The following SLC9A7 variants were observed in gnomAD, a reference collection of about 807,000 sequenced individuals.
SLC9A7 encodes the protein solute carrier family 9 member A7, also known as sodium/hydrogen exchanger 7.
A neutral mutation model predicts 52.6 loss-of-function variants in SLC9A7; 19 were observed. That is an observed-to-expected ratio of 0.36 (90% CI 0.25 to 0.53). The LOEUF (loss-of-function observed/expected upper bound fraction) is 0.53. SLC9A7 is among the 20% of genes least tolerant of loss of function. The pLI is 0.91. For missense variants in SLC9A7, 455 were observed against 597.9 expected (o/e 0.76, Z 2.49); for synonymous variants, 226 against 252.1 (o/e 0.90, Z 0.98).
At position 46,607,102 on chromosome X, in the gene SLC9A7, TGAG is replaced by T. The variant is rs1483480327; in HGVS notation, c.2028_2030del (p.Ser679del). ...GACTCGTGGAGGCGGTGTGCGAACT[TGAG>T]GAGCCATTTGCAGTCACTGTGCTGT... On this transcript the variant is annotated inframe_deletion, in exon 17 of 17. Coordinates refer to ENST00000616978, the MANE Select transcript of SLC9A7 (RefSeq NM_001257291.2). 8.3e-6 allele frequency: 10 copies of T among 1,209,385 alleles called. No individual in the cohort carries two copies. Among genetic ancestry groups the T allele is most frequent in the South Asian group, 7.1e-5 (4 of 56,710 alleles).
chrX:46,695,507 C>A (rs1267869849), intron 1 of SLC9A7, among the ~76,000 whole-genome samples: 1 of 112,244 alleles, frequency 8.9e-6, no homozygotes, highest in Non-Finnish European at 1.9e-5. Context: ...GGTGGTATAT[C>A]TAAATGCAAC....
intron 13 of SLC9A7, among the ~76,000 whole-genome samples, chrX:46,632,574 A>T (rs765413287): frequency 9.0e-6 from 1 of 110,751 alleles, no homozygotes; most frequent in Non-Finnish European, 1.9e-5. Context: ...GCCTGTCTTC[A>T]GCAAGAATCC....
intron 11 of SLC9A7, among the ~76,000 whole-genome samples, chrX:46,648,053 T>C (rs1239327737): frequency 1.8e-5 from 2 of 112,601 alleles, no homozygotes; most frequent in East Asian, 2.8e-4. Flanking sequence ...GCTTTCTTTA[T>C]TGTCCTTTGT....
At chrX:46,661,354 C>A (rs1943818663) in intron 7 of SLC9A7, among the ~76,000 whole-genome samples, 1 of 108,253 alleles carries the variant, frequency 9.2e-6, no homozygotes, top group Non-Finnish European at 1.9e-5. Context: ...CACATGTACC[C>A]TAAAACTTAA....
rs370046520 is a variant in SLC9A7 at position 46,644,005 on chromosome X, CAAT to C, written c.1463-619_1463-617del. Among the ~76,000 whole-genome samples the C allele has an allele frequency of 3.4e-3, 386 of 112,169 alleles. 2 individuals are homozygous for C. Among genetic ancestry groups the C allele is most frequent in the African/African-American group, 0.01 (310 of 30,858 alleles). On this transcript the variant is annotated intron_variant, in intron 11 of 16. Coordinates refer to ENST00000616978, the MANE Select transcript of SLC9A7 (RefSeq NM_001257291.2). ...TCCACAAATGTTTACTATCAAAAAT[CAAT>C]AATAATAATTGAGGCCACTTTGTTG...
At chrX:46,742,466 G>A (rs777898984) in intron 1 of SLC9A7, among the ~76,000 whole-genome samples, 3 of 110,042 alleles carry the variant, frequency 2.7e-5, no homozygotes, top group Non-Finnish European at 5.7e-5. Flanking sequence ...CAACAACAAG[G>A]GTGAATCTCC....
chrX:46,734,234 AAAACACACACACAC>A (rs1945086443), intron 1 of SLC9A7, among the ~76,000 whole-genome samples: 1 of 8,226 alleles, frequency 1.2e-4, no homozygotes, highest in Non-Finnish European at 7.5e-4. Context: ...GTTGTAGATT[AAAACACACACACAC>A]ACACACACTC....
In SLC9A7 at chrX:46,657,498, C is replaced by A. The variant is rs1602188914; in HGVS notation, c.1042-3784G>T. On this transcript the variant is annotated intron_variant, in intron 7 of 16. Coordinates refer to ENST00000616978, the MANE Select transcript of SLC9A7 (RefSeq NM_001257291.2). ...AACCCAACTCACGTGCAGAGACACA[C>A]ATAGGCTCAAAATAAAAGGATGGAG... 7.3e-5 allele frequency among the ~76,000 whole-genome samples: 8 copies of A among 109,913 alleles called. 1 individual carries two copies. The South Asian group carries it at 3.2e-3, about 44-fold the overall frequency.
intron 1 of SLC9A7, among the ~76,000 whole-genome samples, chrX:46,727,360 A>T (rs1484278623): frequency 8.9e-6 from 1 of 112,383 alleles, no homozygotes; most frequent in African/African-American, 3.2e-5. Flanking sequence ...AACACTAAAA[A>T]TTCAGCAAAA....
At chrX:46,739,812 A>G (rs1213500618) in intron 1 of SLC9A7, among the ~76,000 whole-genome samples, 3 of 111,914 alleles carry the variant, frequency 2.7e-5, no homozygotes, top group African/African-American at 9.7e-5. Flanking sequence ...CACAATGGAT[A>G]AAAATCACTA....
At chrX:46,627,640 C>T (rs1253598335) in intron 14 of SLC9A7, among the ~76,000 whole-genome samples, 1 of 111,304 alleles carries the variant, frequency 9.0e-6, no homozygotes, top group Non-Finnish European at 1.9e-5. Flanking sequence ...TGAAATAGAA[C>T]AGGTGCTCAA....
chrX:46,670,707 A>G (rs961256429), intron 4 of SLC9A7, among the ~76,000 whole-genome samples: 3 of 112,397 alleles, frequency 2.7e-5, no homozygotes, highest in African/African-American at 9.7e-5. Flanking sequence ...AACTATTCAC[A>G]GAATGGAATC....
intron 10 of SLC9A7, 66 bp from the exon 11 acceptor site, chrX:46,648,863 C>G (rs947545758): frequency 1.2e-6 from 1 of 814,018 alleles, no homozygotes; most frequent in African/African-American, 2.0e-5. Context: ...CAACCTCCGG[C>G]TGAGCAGAGA....
At chrX:46,643,966 A>C (rs1365863833) in intron 11 of SLC9A7, among the ~76,000 whole-genome samples, 1 of 112,291 alleles carries the variant, frequency 8.9e-6, no homozygotes, top group Non-Finnish European at 1.9e-5. Flanking sequence ...ACTTAGATCA[A>C]AGGGACGAAC....
At chrX:46,727,850 C>T (rs1944969623) in intron 1 of SLC9A7, among the ~76,000 whole-genome samples, 1 of 112,083 alleles carries the variant, frequency 8.9e-6, no homozygotes. Flanking sequence ...TGAACGTCTC[C>T]TGCAATATCA....
chrX:46,665,829 G>A (rs1602202654), intron 5 of SLC9A7, among the ~76,000 whole-genome samples: 1 of 109,587 alleles, frequency 9.1e-6, no homozygotes, highest in East Asian at 2.9e-4. Context: ...TGGCTGCCTA[G>A]GAAGGCACCA....
chrX:46,682,061 C>T (rs1944217930), intron 2 of SLC9A7, among the ~76,000 whole-genome samples: 1 of 111,822 alleles, frequency 8.9e-6, no homozygotes, highest in African/African-American at 3.3e-5. Context: ...GATAAATGAG[C>T]TGAGTGGGGA....
At chrX:46,667,751 C>T (rs774804892) in intron 5 of SLC9A7, among the ~76,000 whole-genome samples, 2 of 112,009 alleles carry the variant, frequency 1.8e-5, no homozygotes, top group African/African-American at 3.2e-5. Context: ...CTATCTCTAC[C>T]GTGAGGACAG....
At chrX:46,652,519 C>T (rs750630132) in intron 8 of SLC9A7, among the ~76,000 whole-genome samples, 25 of 111,855 alleles carry the variant, frequency 2.2e-4, no homozygotes, top group African/African-American at 6.8e-4. Flanking sequence ...ATCCAAGCCC[C>T]GATCTTCTAT....
Sources: gnomAD v4.1 joint callset for allele counts (sites outside exome capture counted in the v4.1 genomes callset) on GRCh38, gnomAD v4.1.1 for gene constraint, MANE v1.5 for transcripts, NCBI Gene and HGNC (gene_info 2026-07-23, HGNC 2026-07-21) for gene names.